Variants in ATG2A observed in about 807,000 individuals in gnomAD.
ATG2A encodes the protein autophagy-related protein 2 homolog A.
Under a neutral mutation model 214.2 loss-of-function variants are expected in ATG2A, and 103 were observed. The ratio of observed to expected loss-of-function variants is 0.48; its 90% CI spans 0.41 to 0.57. ATG2A has a LOEUF of 0.57. Ranked by LOEUF, ATG2A falls within the 20% of genes least tolerant of loss-of-function variation. The pLI is 0.00. For synonymous variants in ATG2A, 1,160 were observed against 1,142.1 expected (o/e 1.02, Z -0.32); for missense variants, 2,312 against 2,613.2 (o/e 0.88, Z 2.51).
At chr11:64,900,815 G>C (rs563574472) in intron 30 of ATG2A, 69 bp downstream of exon 30, 1 of 1,494,628 alleles carries the variant, frequency 6.7e-7, no homozygotes, top group South Asian at 1.3e-5. Flanking sequence ...TCCAGCTGCT[G>C]AAAGTCAGAC....
intron 31 of ATG2A, among the ~76,000 whole-genome samples, chr11:64,900,088 A>T (rs189350130): frequency 6.8e-6 from 1 of 147,266 alleles, no homozygotes; most frequent in Admixed American, 6.8e-5. Flanking sequence ...CTGGTCTCAA[A>T]CTCCTGAGCT....
rs768011302 is a variant in ATG2A, at chr11:64,898,437, C to T, written c.4672-75G>A. On this transcript the variant is annotated intron_variant, in intron 32 of 40. Transcript: ENST00000377264. This position sits in a 1 kb window ranked among gnomAD's most constrained non-coding sequence, Gnocchi z 4.5. ...AGCTCACCCAGCTGTTCCCTGACAGCTCACCCAGCCACCCTGCCTCTGAAC... is the reference window on the plus strand; with the variant it reads ...AGCTCACCCAGCTGTTCCCTGACAGTTCACCCAGCCACCCTGCCTCTGAAC... 7.1e-7 allele frequency: 1 copy of T among 1,407,104 alleles called. No individual in the cohort carries two copies. The highest frequency in any genetic ancestry group is 9.6e-7 in the Non-Finnish European group (1 of 1,038,442). 87.2% of individuals were successfully genotyped at this position (1,407,104 alleles called of 1,614,324 possible). A position where few individuals can be genotyped will look rare whatever the true frequency, so the allele number is the denominator to read the frequency against.
chr11:64,898,917 CTCTAT>C lies in ATG2A; in HGVS notation c.4465-80_4465-76del. Reference sequence around the variant, plus strand: ...GGGAAGGGCTGGCCCCAGACCCCTTCTCTATTCTTTTTTTGAGACAGAGTCTCACT... The same window carrying C: ...GGGAAGGGCTGGCCCCAGACCCCTTCTCTTTTTTTGAGACAGAGTCTCACT... On this transcript the variant is annotated intron_variant, in intron 31 of 40. Coordinates refer to ENST00000377264, the MANE Select transcript of ATG2A (RefSeq NM_015104.3). The surrounding 1 kb of genome is among the most constrained non-coding windows in gnomAD (Gnocchi z 4.5). 7.1e-7 allele frequency: 1 copy of C among 1,405,362 alleles called. No homozygotes were observed. Among genetic ancestry groups the C allele is most frequent in the Non-Finnish European group, 9.7e-7 (1 of 1,028,400 alleles). The allele number at this position is 1,405,362 out of a possible 1,614,324, so 87.1% of individuals were successfully genotyped here. A position where few individuals can be genotyped will look rare whatever the true frequency, so the allele number is the denominator to read the frequency against.
chr11:64,913,726 C>T lies in ATG2A; in HGVS notation c.590+95G>A. 7.8e-7 allele frequency: 1 copy of T among 1,283,278 alleles called. No individual in the cohort carries two copies. The highest frequency in any genetic ancestry group is 1.1e-6 in the Non-Finnish European group (1 of 902,158). 79.5% of individuals were successfully genotyped at this position (1,283,278 alleles called of 1,614,324 possible). On this transcript the variant is annotated intron_variant, in intron 4 of 40. Transcript: ENST00000377264. This position sits in a 1 kb window ranked among gnomAD's most constrained non-coding sequence, Gnocchi z 4.3. ...CCGAGGCCCATCCAGATCCACCCTG[C>T]CTCTTCCCAGGAACCTAGGCTGCGG... is the stretch of plus-strand genomic sequence containing the variant.
intron 36 of ATG2A, 52 bp from the exon 37 acceptor site, chr11:64,897,546 T>TA (rs1455277839): frequency 5.6e-6 from 9 of 1,596,956 alleles, no homozygotes; most frequent in Non-Finnish European, 7.7e-6. Flanking sequence ...GGGAGCTAGC[T>TA]AGCCCATGGG....
In ATG2A at chr11:64,910,840, C is replaced by A; in HGVS notation, c.1581G>T (p.Trp527Cys). The change falls in exon 11 of 41, where the codon TGG (tryptophan) becomes TGT (cysteine). Residue 527 changes from tryptophan to cysteine, a missense_variant. By Grantham distance (215) the Trp-to-Cys change is radical (BLOSUM62 -2). Coordinates refer to ENST00000377264, the MANE Select transcript of ATG2A (RefSeq NM_015104.3). ...ACTCAGGCTCAGAGGTGCCCCGGGG[C>A]CACAGACACTCCAGCACCTCCAGCT... is the stretch of plus-strand genomic sequence containing the variant. ...FGQLEVLECL[W>C]PRGTSEPEYT... 1 of 1,608,996 alleles carries A rather than the reference C, an allele frequency of 6.2e-7. No individual in the cohort carries two copies. Among genetic ancestry groups the A allele is most frequent in the East Asian group, 2.2e-5 (1 of 44,574 alleles).
In ATG2A at chr11:64,898,620, T is replaced by G. The variant is rs761904968; in HGVS notation, c.4671+16A>C. The G allele has an allele frequency of 3.6e-5, 58 of 1,611,002 alleles. No homozygotes were observed. Among genetic ancestry groups the G allele is most frequent in the Admixed American group, 2.7e-4 (16 of 59,974 alleles). On this transcript the variant is annotated intron_variant, in intron 32 of 40. Coordinates refer to ENST00000377264, the MANE Select transcript of ATG2A (RefSeq NM_015104.3). This position sits in a 1 kb window ranked among gnomAD's most constrained non-coding sequence, Gnocchi z 4.5. ...TGGTGCCCTGCCCCAGGGTGGATGG[T>G]GCAGGTCGCTCATACCATGTTAGAG...
rs534477794 is a variant in ATG2A at position 64,910,646 on chromosome 11, G to A, written c.1677C>T (p.Arg559=). ...GCACACGGCGCAGGATCTGTGTGTGGCGCAGATGGGCGCAGGGCCGAGCTG... is the reference window on the plus strand; with the variant it reads ...GCACACGGCGCAGGATCTGTGTGTGACGCAGATGGGCGCAGGGCCGAGCTG... ...QASARPCAHL[R]HTQILRRVPK... The change falls in exon 12 of 41, where the codon CGC becomes CGT. Residue 559 remains arginine (R), a synonymous_variant. Coordinates refer to ENST00000377264, the MANE Select transcript of ATG2A (RefSeq NM_015104.3). 6.2e-7 allele frequency: 1 copy of A among 1,607,792 alleles called. No individual in the cohort carries two copies. Among genetic ancestry groups the A allele is most frequent in the Non-Finnish European group, 8.5e-7 (1 of 1,177,492 alleles).
At position 64,895,041 on chromosome 11, in the gene ATG2A, T is replaced by A. The variant is rs367870781; in HGVS notation, c.5749A>T (p.Asn1917Tyr). The A allele has an allele frequency of 2.9e-4, 471 of 1,613,414 alleles. 4 individuals are homozygous for A. The South Asian group carries it at 4.8e-3, about 17-fold the overall frequency. ...TTGTGGGCGTCGGGGACAATCTGGT[T>A]GCGCATGCCCCCGAGCAGGCTGGAC... is the stretch of plus-strand genomic sequence containing the variant. ...ATSSLLGGMR[N>Y]QIVPDAHKDH... The change falls in exon 41 of 41, where the codon AAC becomes TAC. Residue 1917 changes from asparagine to tyrosine, a missense_variant. Transcript: ENST00000377264. This position sits in a 1 kb window ranked among gnomAD's most constrained non-coding sequence, Gnocchi z 5.0.
rs374961094 is a variant in ATG2A at position 64,913,005 on chromosome 11, AC to A, written c.825+32del. 28 of 1,442,262 alleles carry A rather than the reference AC, an allele frequency of 1.9e-5. No individual in the cohort carries two copies. In the African/African-American group the frequency reaches 3.6e-4, roughly 19 times the overall value. The allele number at this position is 1,442,262 out of a possible 1,614,324, so 89.3% of individuals were successfully genotyped here. A position where few individuals can be genotyped will look rare whatever the true frequency, so the allele number is the denominator to read the frequency against. ...AGGAGGAGGAGTCTTGAGATGGGGT[AC>A]TCACCCCCTCCCCAGGGGCCTGGGG... On this transcript the variant is annotated intron_variant, in intron 6 of 40. Transcript: ENST00000377264. This position sits in a 1 kb window ranked among gnomAD's most constrained non-coding sequence, Gnocchi z 4.3.
At chr11:64,910,379 G>A (rs1275893584) in intron 12 of ATG2A, among the ~76,000 whole-genome samples, 184 bp from the exon 13 acceptor site, 4 of 152,226 alleles carry the variant, frequency 2.6e-5, no homozygotes, top group Admixed American at 2.6e-4. Context: ...CCCGACATGC[G>A]CCACTCTTAG....
intron 19 of ATG2A, 101 bp from the exon 20 acceptor site, chr11:64,906,916 G>A (rs981664393): frequency 8.2e-5 from 115 of 1,394,090 alleles, no homozygotes; most frequent in Non-Finnish European, 1.1e-4. Flanking sequence ...AAGGGGGTCA[G>A]CTCCAGTTTC....
intron 29 of ATG2A, among the ~76,000 whole-genome samples, chr11:64,901,535 G>C (rs576349476): frequency 2.5e-4 from 38 of 152,092 alleles, no homozygotes; most frequent in African/African-American, 8.4e-4. Context: ...GCTATCACCC[G>C]AGTCTATGCC....
rs779816886 is a variant in ATG2A at position 64,900,992 on chromosome 11, C to T, written c.4220G>A (p.Arg1407Gln). Reference sequence around the variant, plus strand: ...GGGCACTGGGAAATGGGCAGGTGCCCGCAGCAAGTCCGTGCTGCCGATCGG... The same window carrying T: ...GGGCACTGGGAAATGGGCAGGTGCCTGCAGCAAGTCCGTGCTGCCGATCGG... ...SRPIGSTDLLRAPAHFPVPST... is the reference protein window; with the variant it reads ...SRPIGSTDLLQAPAHFPVPST... The change falls in exon 30 of 41, where the codon CGG becomes CAG. Residue 1407 changes from arginine to glutamine, a missense_variant. Physicochemically the swap from Arg to Gln is conservative, Grantham distance 43. Transcript: ENST00000377264. 3.1e-6 allele frequency: 5 copies of T among 1,589,062 alleles called. No individual in the cohort carries two copies. The highest frequency in any genetic ancestry group is 2.3e-5 in the East Asian group (1 of 43,298).
Position 64,903,202 on chromosome 11 carries a change from C to T in ATG2A, c.3612+86G>A. ...GCATGAACTGTGTCCGGAGCCCAGG[C>T]ACGTGAGGGAGCAGCAGCCCCTGAA... On this transcript the variant is annotated intron_variant, in intron 26 of 40. Transcript: ENST00000377264. The surrounding 1 kb of genome is among the most constrained non-coding windows in gnomAD (Gnocchi z 4.2). The T allele has an allele frequency of 7.7e-7, 1 of 1,290,374 alleles. No individual in the cohort carries two copies. Among genetic ancestry groups the T allele is most frequent in the Non-Finnish European group, 1.1e-6 (1 of 898,414 alleles). 79.9% of individuals were successfully genotyped at this position (1,290,374 alleles called of 1,614,324 possible).
intron 36 of ATG2A, 45 bp downstream of exon 36, chr11:64,897,626 C>A: frequency 6.2e-7 from 1 of 1,612,806 alleles, no homozygotes; most frequent in Non-Finnish European, 8.5e-7. Context: ...GGGACTCAGC[C>A]ACAGCTGACC....
chr11:64,902,449 G>A (rs775452953), intron 27 of ATG2A, 63 bp from the exon 28 acceptor site: 12 of 1,529,590 alleles, frequency 7.8e-6, no homozygotes, highest in South Asian at 4.9e-5. Context: ...CCCCAGGCCC[G>A]AGGGCCATGG....
intron 1 of ATG2A, among the ~76,000 whole-genome samples, 183 bp from the exon 2 acceptor site, chr11:64,914,683 G>C (rs888278599): frequency 6.6e-6 from 1 of 152,010 alleles, no homozygotes; most frequent in African/African-American, 2.4e-5. Context: ...CCCCTACCCC[G>C]TCACCCAAAG....
chr11:64,912,544 C>T (rs946070300), intron 6 of ATG2A, 121 bp from the exon 7 acceptor site: 6 of 784,744 alleles, frequency 7.6e-6, no homozygotes, highest in Middle Eastern at 3.7e-4. Context: ...AACTCTGTTA[C>T]CAACTAGCTC....
Sources: allele counts gnomAD v4.1 joint callset (sites outside exome capture counted in the v4.1 genomes callset), GRCh38; gene constraint gnomAD v4.1.1; non-coding constraint Gnocchi (gnomAD v3.1); transcripts MANE v1.5; gene names NCBI Gene and HGNC (gene_info 2026-07-23, HGNC 2026-07-21).